The following PPID variants were observed in gnomAD, a reference collection of about 807,000 sequenced individuals.
PPID encodes the protein peptidyl-prolyl cis-trans isomerase D.
A neutral mutation model predicts 48.1 loss-of-function variants in PPID; 47 were observed. That is an observed-to-expected ratio of 0.98 (90% CI 0.77 to 1.25). The LOEUF (loss-of-function observed/expected upper bound fraction) is 1.25, where lower values mean the gene tolerates loss of function less well. PPID is among the 50% of genes most tolerant of loss of function. The pLI is 0.00. For missense variants in PPID, 429 were observed against 443.5 expected (o/e 0.97, Z 0.29); for synonymous variants, 163 against 148.8 (o/e 1.10, Z -0.69).
chr4:158,716,499 T>C (rs184032442), intron 4 of PPID, among the ~76,000 whole-genome samples: 204 of 150,886 alleles, frequency 1.4e-3, no homozygotes, highest in Non-Finnish European at 2.3e-3. Flanking sequence ...CAAATGAAAG[T>C]TGAAATAATA....
At chr4:158,722,784 G>A (rs760030499) in intron 1 of PPID, among the ~76,000 whole-genome samples, 35 of 152,216 alleles carry the variant, frequency 2.3e-4, no homozygotes, top group Non-Finnish European at 4.6e-4. Context: ...AAATAACACA[G>A]CACGTGCTGA....
At position 158,709,675 on chromosome 4, in the gene PPID, C is replaced by A; in HGVS notation, c.*61G>T. 1 of 1,290,986 alleles carries A rather than the reference C, an allele frequency of 7.7e-7. No individual in the cohort carries two copies. The highest frequency in any genetic ancestry group is 1.1e-6 in the Non-Finnish European group (1 of 906,610). 80.0% of individuals were successfully genotyped at this position (1,290,986 alleles called of 1,614,324 possible). A position where few individuals can be genotyped will look rare whatever the true frequency, so the allele number is the denominator to read the frequency against. On this transcript the variant is annotated 3_prime_UTR_variant, in exon 10 of 10. Transcript: ENST00000307720. ...TAGGGATCATATTCATAGACAAAAA[C>A]CTTTACATTTTCTTATTGCATTTAT...
intron 6 of PPID, 58 bp from the exon 7 acceptor site, chr4:158,713,318 C>A: frequency 6.9e-7 from 1 of 1,451,656 alleles, no homozygotes; most frequent in Non-Finnish European, 9.2e-7. Flanking sequence ...AATTACTCTT[C>A]TCTATGTCCA....
Position 158,709,814 on chromosome 4 carries a change from T to C in PPID, c.1035A>G (p.Ala345=). 6.2e-7 allele frequency: 1 copy of C among 1,608,678 alleles called. No individual in the cohort carries two copies. The highest frequency in any genetic ancestry group is 8.5e-7 in the Non-Finnish European group (1 of 1,176,092). The part of the protein sequence containing the change: ...GIAPEDKAIQ[A]ELLKVKQKIK... Reference sequence around the variant, plus strand: ...TCTTTTGTTTGACTTTCAGCAATTCTGCCTGGATAGCTGTAAAATAAATAT... The same window carrying C: ...TCTTTTGTTTGACTTTCAGCAATTCCGCCTGGATAGCTGTAAAATAAATAT... The change falls in exon 10 of 10, where the codon GCA becomes GCG. Residue 345 remains alanine (A), a synonymous_variant. Transcript: ENST00000307720.
Position 158,713,145 on chromosome 4 carries a change from G to A in PPID, c.868C>T (p.Gln290Ter), listed in dbSNP as rs201519841. The change falls in exon 7 of 10, where the codon CAG becomes TAG. Residue 290 changes from glutamine to a stop codon, truncating the protein, a stop_gained. Coordinates refer to ENST00000307720, the MANE Select transcript of PPID (RefSeq NM_005038.3). LOFTEE classifies it high-confidence loss of function. The part of the protein sequence containing the change: ...GACKLKMSNW[Q>*]GAIDSCLEAL... ...TCTAAACAACTGTCAATTGCTCCCT[G>A]CCAATTTGACATCTTCAGTTTACAA... The A allele has an allele frequency of 9.3e-6, 15 of 1,613,852 alleles. No homozygotes were observed. The highest frequency in any genetic ancestry group is 1.7e-5 in the Admixed American group (1 of 59,992).
chr4:158,719,676 T>A (rs1372412679), intron 2 of PPID, among the ~76,000 whole-genome samples: 2 of 152,208 alleles, frequency 1.3e-5, no homozygotes, highest in Non-Finnish European at 2.9e-5. Context: ...TTGTTTTACA[T>A]CCTTATAACT....
chr4:158,721,450 AT>A lies in PPID; in HGVS notation c.118del (p.Ile40SerfsTer42). 1.9e-6 allele frequency: 3 copies of A among 1,614,190 alleles called. No individual in the cohort carries two copies. Among genetic ancestry groups the A allele is most frequent in the Non-Finnish European group, 2.5e-6 (3 of 1,180,008 alleles). On this transcript the variant is annotated frameshift_variant, in exon 2 of 10. Transcript: ENST00000307720. LOFTEE classifies it high-confidence loss of function. ...GRIVLELFAD[I>X]VPKTAENFRA... ...AAAATTTTCCGCAGTTTTGGGTACGATATCTGCAAACAATTCTAAGACAATT... is the reference window on the plus strand; with the variant it reads ...AAAATTTTCCGCAGTTTTGGGTACGAATCTGCAAACAATTCTAAGACAATT...
intron 2 of PPID, 102 bp from the exon 3 acceptor site, chr4:158,719,388 T>G: frequency 5.5e-6 from 4 of 725,352 alleles, no homozygotes; most frequent in Non-Finnish European, 9.4e-6. Context: ...TGCATGACTC[T>G]AGTCATGTCT....
At chr4:158,710,924 A>G in intron 7 of PPID, 76 bp from the exon 8 acceptor site, 1 of 1,294,452 alleles carries the variant, frequency 7.7e-7, no homozygotes, top group Non-Finnish European at 1.1e-6. Flanking sequence ...ATTGCCTATC[A>G]ACTCCAAACC....
chr4:158,720,467 A>G (rs562744626), intron 2 of PPID, among the ~76,000 whole-genome samples: 1 of 152,350 alleles, frequency 6.6e-6, no homozygotes, highest in South Asian at 2.1e-4. Flanking sequence ...TTCTTACTCA[A>G]TAACTGTATT....
intron 3 of PPID, among the ~76,000 whole-genome samples, chr4:158,717,639 T>C (rs930067256): frequency 6.6e-6 from 1 of 152,246 alleles, no homozygotes; most frequent in Non-Finnish European, 1.5e-5. Flanking sequence ...TTCATAAATA[T>C]GCCTACAGTA....
At chr4:158,709,990 C>T (rs1015014038) in intron 9 of PPID, 166 bp from the exon 10 acceptor site, 14 of 592,694 alleles carry the variant, frequency 2.4e-5, no homozygotes, top group South Asian at 1.5e-4. Flanking sequence ...AGAAATGAAA[C>T]GTAATTTTAG....
intron 9 of PPID, chr4:158,710,169 T>G: frequency 3.0e-6 from 1 of 333,604 alleles, no homozygotes; most frequent in Non-Finnish European, 5.5e-6. Flanking sequence ...AAAAACAAGC[T>G]TATTTTTGTC....
rs747352225 is a variant in PPID at position 158,715,558 on chromosome 4, T to C, written c.645+4A>G. 1 of 1,613,662 alleles carries C rather than the reference T, an allele frequency of 6.2e-7. No homozygotes were observed. Among genetic ancestry groups the C allele is most frequent in the East Asian group, 2.2e-5 (1 of 44,872 alleles). On this transcript the variant is annotated splice_donor_region_variant and intron_variant, in intron 5 of 9. Coordinates refer to ENST00000307720, the MANE Select transcript of PPID (RefSeq NM_005038.3). ...TAAAGTTTGACTAATCTGAAAGTACTCACATCTTTTAAATCTATATCCGCA... is the reference window on the plus strand; with the variant it reads ...TAAAGTTTGACTAATCTGAAAGTACCCACATCTTTTAAATCTATATCCGCA...
chr4:158,723,144 C>T, intron 1 of PPID, 60 bp downstream of exon 1: 1 of 1,513,450 alleles, frequency 6.6e-7, no homozygotes, highest in Non-Finnish European at 9.1e-7. Flanking sequence ...TTGGAATCCC[C>T]CAAATCCCGG....
At position 158,710,671 on chromosome 4, in the gene PPID, C is replaced by A. The variant is rs751630599; in HGVS notation, c.982-1G>T. On this transcript the variant is annotated splice_acceptor_variant, in intron 8 of 9. Coordinates refer to ENST00000307720, the MANE Select transcript of PPID (RefSeq NM_005038.3). LOFTEE classifies it high-confidence loss of function. ...TCCCCTGAGCTTTCTTAAGATCAGC[C>A]TTTAATTGGAAAAAAACATTTAAGT... The A allele has an allele frequency of 6.2e-7, 1 of 1,613,658 alleles. No individual in the cohort carries two copies. The highest frequency in any genetic ancestry group is 1.1e-5 in the South Asian group (1 of 91,026).
intron 9 of PPID, 155 bp downstream of exon 9, chr4:158,710,473 T>C: frequency 4.1e-6 from 3 of 738,762 alleles, no homozygotes; most frequent in Non-Finnish European, 7.0e-6. Flanking sequence ...TTTGACTGTC[T>C]TGTTCATTGC....
Position 158,719,268 on chromosome 4 carries a change from ATC to A in PPID, c.243_244del (p.Met81IlefsTer20). 6.2e-7 allele frequency: 1 copy of A among 1,607,252 alleles called. No individual in the cohort carries two copies. Among genetic ancestry groups the A allele is most frequent in the South Asian group, 1.1e-5 (1 of 90,812 alleles). On this transcript the variant is annotated frameshift_variant, in exon 3 of 10. Transcript: ENST00000307720. LOFTEE classifies it high-confidence loss of function. Reference sequence around the variant, plus strand: ...CTGATTTGAGAAGTCTCCACCCTGAATCATAAATTTCTTAATAACTACAAAAA... The same window carrying A: ...CTGATTTGAGAAGTCTCCACCCTGAAATAAATTTCTTAATAACTACAAAAA...
intron 2 of PPID, among the ~76,000 whole-genome samples, chr4:158,720,909 T>C (rs952286254): frequency 4.6e-5 from 7 of 151,526 alleles, no homozygotes; most frequent in Admixed American, 3.3e-4. Flanking sequence ...AGAGACGGGG[T>C]TTCACCGCGT....
Sources: gnomAD v4.1 joint callset for allele counts (sites outside exome capture counted in the v4.1 genomes callset) on GRCh38, gnomAD v4.1.1 for gene constraint, MANE v1.5 for transcripts, NCBI Gene and HGNC (gene_info 2026-07-23, HGNC 2026-07-21) for gene names.